TSPEAR: variants seen among roughly 807,000 people sequenced by gnomAD.
TSPEAR encodes the protein thrombospondin-type laminin G domain and EAR repeat-containing protein.
TSPEAR carries 69 observed loss-of-function variants against 71.6 expected under a neutral mutation model. The observed-to-expected ratio is 0.96, with a 90% CI of 0.79 to 1.18. TSPEAR has a LOEUF of 1.18. TSPEAR is among the 50% of genes most tolerant of loss of function. The probability of loss-of-function intolerance (pLI) is 0.00; values close to 1 mark genes in which losing one functional copy is unlikely to be tolerated. For synonymous variants in TSPEAR, 402 were observed against 387.2 expected, an observed-to-expected ratio of 1.04 and a Z score of -0.45; for missense variants, 971 against 894.9, an observed-to-expected ratio of 1.09 and a Z score of -1.09.
chr21:44,577,330 C>T (rs1451468955), intron 1 of TSPEAR, among the ~76,000 whole-genome samples: 3 of 152,176 alleles, frequency 2.0e-5, no homozygotes, highest in South Asian at 2.1e-4. Context: ...AAGGAATACC[C>T]GAGACTGGGC....
At position 44,539,396 on chromosome 21, in the gene TSPEAR, C is replaced by T. The variant is rs28644341; in HGVS notation, c.304-5473G>A. The T allele has an allele frequency of 1.6e-3, 2,596 of 1,602,188 alleles. 35 individuals carry two copies. The African/African-American group carries it at 0.03, about 19-fold the overall frequency. ...GGCCTGGCAGGAGGAGGCAGGGGCA[C>T]AGCAGGAGGAGACAGGCATACAGCA... On this transcript the variant is annotated intron_variant, in intron 2 of 11. Coordinates refer to ENST00000323084, the MANE Select transcript of TSPEAR (RefSeq NM_144991.3).
chr21:44,674,337 G>T (rs2146286541), intron 1 of TSPEAR, among the ~76,000 whole-genome samples: 1 of 151,284 alleles, frequency 6.6e-6, no homozygotes, highest in South Asian at 2.1e-4. Flanking sequence ...AGCTAGCTAG[G>T]CTAACCAAGC....
At chr21:44,705,859 GT>G (rs1987886360) in intron 1 of TSPEAR, among the ~76,000 whole-genome samples, 1 of 138,846 alleles carries the variant, frequency 7.2e-6, no homozygotes, top group South Asian at 2.2e-4. Flanking sequence ...CTTGCTGTCT[GT>G]CACCCACACC....
At chr21:44,574,995 G>C (rs781784447) in intron 1 of TSPEAR, 4 of 1,609,300 alleles carry the variant, frequency 2.5e-6, no homozygotes, top group African/African-American at 1.3e-5. Context: ...AGCCTGCTGA[G>C]GCCTCCGCTC....
At chr21:44,672,111 T>C (rs1311858764) in intron 1 of TSPEAR, among the ~76,000 whole-genome samples, 2 of 151,508 alleles carry the variant, frequency 1.3e-5, no homozygotes, top group Non-Finnish European at 2.9e-5. Context: ...GAAGAAAAAA[T>C]TTCAGAAGTT....
chr21:44,678,062 T>C, intron 1 of TSPEAR: 1 of 701,678 alleles, frequency 1.4e-6, no homozygotes, highest in Non-Finnish European at 2.6e-6. Context: ...GCGGTCACAC[T>C]CGATAACTGA....
chr21:44,643,008 A>G (rs1555938830), intron 1 of TSPEAR, among the ~76,000 whole-genome samples: 1 of 152,244 alleles, frequency 6.6e-6, no homozygotes, highest in Non-Finnish European at 1.5e-5. Context: ...CGGAAGCAAC[A>G]TAAGTGATCA....
At chr21:44,679,802 A>G (rs1685444223) in intron 1 of TSPEAR, among the ~76,000 whole-genome samples, 1 of 152,230 alleles carries the variant, frequency 6.6e-6, no homozygotes, top group Admixed American at 6.5e-5. Flanking sequence ...ACACCCCTTC[A>G]ATAAATGGTG....
At chr21:44,518,697 T>A (rs1555913859) in intron 9 of TSPEAR, 1 of 470,730 alleles carries the variant, frequency 2.1e-6, no homozygotes. Flanking sequence ...ATTCGTTAGA[T>A]GATTGGAAGT....
rs1251790912 is a variant in TSPEAR, at chr21:44,711,376, C to T, written c.82+57G>A. ...AGAAAGTGGCATTTGTGACTCGACA[C>T]CCCTCCCAGCTCCCCGGCAAGATAC... On this transcript the variant is annotated intron_variant, in intron 1 of 11. Transcript: ENST00000323084. This position sits in a 1 kb window ranked among gnomAD's most constrained non-coding sequence, Gnocchi z 4.5. 2.0e-6 allele frequency: 3 copies of T among 1,485,226 alleles called. No homozygotes were observed. The highest frequency in any genetic ancestry group is 1.4e-5 in the African/African-American group (1 of 71,764). The allele number at this position is 1,485,226 out of a possible 1,614,324, so 92.0% of individuals were successfully genotyped here. A position where few individuals can be genotyped will look rare whatever the true frequency, so the allele number is the denominator to read the frequency against.
chr21:44,628,013 G>A (rs782279790), intron 1 of TSPEAR: 1 of 1,613,086 alleles, frequency 6.2e-7, no homozygotes, highest in Non-Finnish European at 8.5e-7. Flanking sequence ...CGCCCGGCCT[G>A]CTACAGCTTC....
intron 1 of TSPEAR, among the ~76,000 whole-genome samples, chr21:44,645,867 C>T (rs1018952626): frequency 1.3e-5 from 2 of 151,890 alleles, no homozygotes; most frequent in South Asian, 2.1e-4. Flanking sequence ...CGGCCGGACG[C>T]GGTGGCTCAC....
intron 1 of TSPEAR, among the ~76,000 whole-genome samples, chr21:44,708,864 G>T (rs1279950571): frequency 1.3e-5 from 2 of 152,230 alleles, no homozygotes; most frequent in African/African-American, 4.8e-5. Context: ...GCCTGTGGCT[G>T]CCACATCCCG....
At position 44,647,560 on chromosome 21, in the gene TSPEAR, G is replaced by A. The variant is rs1984516749; in HGVS notation, c.82+63873C>T. ...CAAATCCCTCAGCAGGTGGACTGTG[G>A]CTTTCTGGAGCCCCCTTCTCCAAAT... On this transcript the variant is annotated intron_variant, in intron 1 of 11. Coordinates refer to ENST00000323084, the MANE Select transcript of TSPEAR (RefSeq NM_144991.3). 1.1e-5 allele frequency: 7 copies of A among 642,186 alleles called. No homozygotes were observed. The South Asian group carries it at 1.2e-4, about 11-fold the overall frequency. The allele number at this position is 642,186 out of a possible 1,614,324, so 39.8% of individuals were successfully genotyped here.
At position 44,697,710 on chromosome 21, in the gene TSPEAR, CCTCT is replaced by C. The variant is rs782337229; in HGVS notation, c.82+13719_82+13722del. On this transcript the variant is annotated intron_variant, in intron 1 of 11. Coordinates refer to ENST00000323084, the MANE Select transcript of TSPEAR (RefSeq NM_144991.3). The stretch of plus-strand genomic sequence containing the variant: ...TGTGTGCCTGTCTGCTCTGGGGCCT[CCTCT>C]CTGTGCTGCCAGCAGTCTAGCTGCC... 3 of 1,613,140 alleles carry C rather than the reference CCTCT, an allele frequency of 1.9e-6. No individual in the cohort carries two copies. In the African/African-American group the frequency reaches 4.0e-5, roughly 22 times the overall value.
At chr21:44,683,326 CAG>C (rs1201854197) in intron 1 of TSPEAR, among the ~76,000 whole-genome samples, 4 of 152,112 alleles carry the variant, frequency 2.6e-5, no homozygotes, top group African/African-American at 9.7e-5. Flanking sequence ...TGATACAGCT[CAG>C]AGTCTGTAAA....
intron 1 of TSPEAR, chr21:44,697,216 C>T (rs372249758): frequency 1.0e-4 from 166 of 1,613,792 alleles, no homozygotes; most frequent in Non-Finnish European, 1.2e-4. Context: ...CCGTCTGCTC[C>T]AGCGACCTGA....
intron 1 of TSPEAR, among the ~76,000 whole-genome samples, chr21:44,643,773 T>C (rs1025167957): frequency 3.3e-5 from 5 of 152,094 alleles, no homozygotes; most frequent in African/African-American, 1.2e-4. Context: ...GCAAAATTCA[T>C]GATAAACTAA....
intron 1 of TSPEAR, among the ~76,000 whole-genome samples, chr21:44,625,099 A>G (rs1043250451): frequency 1.3e-5 from 2 of 152,196 alleles, no homozygotes; most frequent in Non-Finnish European, 2.9e-5. Flanking sequence ...ACTCTTCGAT[A>G]ATTTCTCCAA....
Sources: gnomAD v4.1 joint callset for allele counts (sites outside exome capture counted in the v4.1 genomes callset) on GRCh38, gnomAD v4.1.1 for gene constraint, Gnocchi (gnomAD v3.1) non-coding constraint, MANE v1.5 for transcripts, NCBI Gene and HGNC (gene_info 2026-07-23, HGNC 2026-07-21) for gene names.